ATP10A: variants seen among roughly 807,000 people sequenced by gnomAD.
ATP10A encodes the protein phospholipid-transporting ATPase VA.
A neutral mutation model predicts 147.8 loss-of-function variants in ATP10A; 111 were observed. The ratio of observed to expected loss-of-function variants is 0.75; its 90% CI spans 0.64 to 0.88. The LOEUF is 0.88. Among genes scored for constraint, ATP10A ranks in the 40% least tolerant of loss-of-function variants. The pLI, the probability that ATP10A is intolerant of heterozygous loss-of-function variation, is 0.00. For missense variants in ATP10A, 1,927 were observed against 1,959.0 expected, an observed-to-expected ratio of 0.98 and a Z score of 0.31; for synonymous variants, 875 against 841.6, an observed-to-expected ratio of 1.04 and a Z score of -0.69.
chr15:25,813,550 A>C (rs1436595745), intron 1 of ATP10A, among the ~76,000 whole-genome samples: 1 of 152,252 alleles, frequency 6.6e-6, no homozygotes, highest in Non-Finnish European at 1.5e-5. Context: ...ACAAAGCATC[A>C]ATCAATAGAA....
At chr15:25,816,619 T>C (rs1399973246) in intron 1 of ATP10A, among the ~76,000 whole-genome samples, 2 of 152,202 alleles carry the variant, frequency 1.3e-5, no homozygotes, top group Non-Finnish European at 2.9e-5. Flanking sequence ...CAATCCACCA[T>C]GCGAAAGATT....
intron 1 of ATP10A, among the ~76,000 whole-genome samples, chr15:25,793,077 G>T (rs565691414): frequency 6.6e-6 from 1 of 151,986 alleles, no homozygotes; most frequent in African/African-American, 2.4e-5. Context: ...CTCCATGTTG[G>T]TCAGGCTGGT....
At chr15:25,784,950 C>A (rs1411587678) in intron 1 of ATP10A, among the ~76,000 whole-genome samples, 1 of 151,632 alleles carries the variant, frequency 6.6e-6, no homozygotes, top group Non-Finnish European at 1.5e-5. Context: ...AAGAAAAGGC[C>A]CTGCAGTCCA....
At chr15:25,797,884 A>G (rs1405321931) in intron 1 of ATP10A, among the ~76,000 whole-genome samples, 5 of 152,148 alleles carry the variant, frequency 3.3e-5, no homozygotes, top group Admixed American at 1.3e-4. Context: ...CGTCTATGTC[A>G]TATCCTCCAG....
At chr15:25,683,668 C>G in intron 16 of ATP10A, 182 bp from the exon 17 acceptor site, 1 of 616,102 alleles carries the variant, frequency 1.6e-6, no homozygotes, top group African/African-American at 1.8e-5. Flanking sequence ...CTCCCTCTTC[C>G]TCTTTCCCTT....
chr15:25,770,396 C>T (rs1432729071), intron 2 of ATP10A, among the ~76,000 whole-genome samples: 1 of 152,190 alleles, frequency 6.6e-6, no homozygotes, highest in Non-Finnish European at 1.5e-5. Flanking sequence ...TGGCCCACCA[C>T]TCACTTGGAC....
chr15:25,735,160 C>T (rs1385083266), intron 3 of ATP10A, among the ~76,000 whole-genome samples: 3 of 152,056 alleles, frequency 2.0e-5, no homozygotes, highest in South Asian at 2.1e-4. Flanking sequence ...GCTGAGCCCA[C>T]GGGAGGTGGC....
rs759620725 is a variant in ATP10A, at chr15:25,718,256, G to A, written c.1507C>T (p.Arg503Trp). 9.9e-6 allele frequency: 16 copies of A among 1,612,582 alleles called. No homozygotes were observed. In the Admixed American group the frequency reaches 1.3e-4, roughly 13 times the overall value. The change falls in exon 8 of 21, where the codon CGG (arginine) becomes TGG (tryptophan). Residue 503 changes from arginine (R) to tryptophan (W), a missense_variant. By Grantham distance (101) the Arg-to-Trp change is moderately radical (BLOSUM62 -3). Coordinates refer to ENST00000555815, the MANE Select transcript of ATP10A (RefSeq NM_024490.4). Reference protein sequence around the residue: ...VHRTQSTKSHRRTGSRAEAKR... With the variant: ...VHRTQSTKSHWRTGSRAEAKR... ...GCCTCGGCCCGGCTGCCCGTGCGCC[G>A]GTGGGACTTGGTGCTCTGGGTTCTG...
intron 1 of ATP10A, among the ~76,000 whole-genome samples, chr15:25,839,361 C>T (rs981916338): frequency 2.0e-5 from 3 of 152,174 alleles, no homozygotes; most frequent in African/African-American, 7.2e-5. Flanking sequence ...CCCTTTATAA[C>T]TAGACAGCCA....
chr15:25,690,256 A>G (rs1052019200), intron 15 of ATP10A, among the ~76,000 whole-genome samples: 2 of 151,498 alleles, frequency 1.3e-5, no homozygotes, highest in African/African-American at 4.9e-5. Flanking sequence ...AAAAAAAAAA[A>G]AAAGAGAGAC....
chr15:25,753,564 A>C (rs1315960452), intron 2 of ATP10A, among the ~76,000 whole-genome samples: 6 of 151,630 alleles, frequency 4.0e-5, no homozygotes, highest in Admixed American at 6.6e-5. Context: ...GCACCCCCCC[A>C]CAAGTCACTC....
At chr15:25,718,691 G>A (rs773885952) in intron 7 of ATP10A, among the ~76,000 whole-genome samples, 5 of 152,132 alleles carry the variant, frequency 3.3e-5, no homozygotes, top group African/African-American at 7.2e-5. Context: ...ACGTCCAGCC[G>A]GTCTCTTCAG....
chr15:25,700,941 A>G (rs79604516), intron 13 of ATP10A, among the ~76,000 whole-genome samples: 1 of 149,816 alleles, frequency 6.7e-6, no homozygotes, highest in Non-Finnish European at 1.5e-5. Flanking sequence ...AAAAAAAAAA[A>G]GGCCCTGGTG....
intron 2 of ATP10A, among the ~76,000 whole-genome samples, chr15:25,757,405 C>A (rs1054525044): frequency 2.0e-5 from 3 of 151,866 alleles, no homozygotes; most frequent in Non-Finnish European, 4.4e-5. Flanking sequence ...AAAAGGAAAA[C>A]AATTTTGTAT....
At chr15:25,799,632 G>A (rs1890844326) in intron 1 of ATP10A, among the ~76,000 whole-genome samples, 1 of 152,168 alleles carries the variant, frequency 6.6e-6, no homozygotes, top group Non-Finnish European at 1.5e-5. Context: ...TACTCGGGAG[G>A]CTGAGGTGGA....
intron 7 of ATP10A, among the ~76,000 whole-genome samples, chr15:25,719,874 C>T (rs2140416380): frequency 1.3e-5 from 2 of 152,312 alleles, no homozygotes; most frequent in Admixed American, 1.3e-4. Context: ...GCTCAGAGTC[C>T]ATCTGAACTC....
intron 1 of ATP10A, among the ~76,000 whole-genome samples, chr15:25,785,071 T>A (rs1161040547): frequency 6.6e-6 from 1 of 151,750 alleles, no homozygotes; most frequent in Non-Finnish European, 1.5e-5. Context: ...AGGCAAGAGA[T>A]GCCTCAGGGG....
At chr15:25,796,464 T>C (rs1013862762) in intron 1 of ATP10A, among the ~76,000 whole-genome samples, 1 of 152,258 alleles carries the variant, frequency 6.6e-6, no homozygotes, top group African/African-American at 2.4e-5. Flanking sequence ...GCCTCTTTAA[T>C]GCACACTGCC....
intron 1 of ATP10A, among the ~76,000 whole-genome samples, chr15:25,846,703 A>T (rs1473055986): frequency 6.6e-6 from 1 of 152,232 alleles, no homozygotes; most frequent in Non-Finnish European, 1.5e-5. Context: ...GTGATCTAAA[A>T]TGACATCACA....
Sources: allele counts gnomAD v4.1 joint callset (sites outside exome capture counted in the v4.1 genomes callset), GRCh38; gene constraint gnomAD v4.1.1; transcripts MANE v1.5; gene names NCBI Gene and HGNC (gene_info 2026-07-23, HGNC 2026-07-21).